Variants in HMCN1 observed in about 807,000 individuals in gnomAD.
HMCN1 encodes hemicentin-1.
HMCN1 carries 321 observed loss-of-function variants against 625.9 expected under a neutral mutation model. That is an observed-to-expected ratio of 0.51 (90% CI 0.47 to 0.56). The LOEUF is 0.56. Among genes scored for constraint, HMCN1 ranks in the 20% least tolerant of loss-of-function variants. The pLI, the probability that HMCN1 is intolerant of heterozygous loss-of-function variation, is 0.00. For synonymous variants in HMCN1, 2,425 were observed against 2,417.6 expected (o/e 1.00, Z -0.09); for missense variants, 6,588 against 6,887.3 (o/e 0.96, Z 1.54).
intron 2 of HMCN1, among the ~76,000 whole-genome samples, chr1:185,847,002 G>T (rs1558012193): frequency 6.6e-6 from 1 of 152,076 alleles, no homozygotes; most frequent in Non-Finnish European, 1.5e-5. Flanking sequence ...TGTGCACTGA[G>T]CGGGTTGGTG....
At chr1:185,832,273 G>C (rs1389237215) in intron 1 of HMCN1, among the ~76,000 whole-genome samples, 1 of 152,052 alleles carries the variant, frequency 6.6e-6, no homozygotes, top group Non-Finnish European at 1.5e-5. Context: ...TCCAGCCTGG[G>C]AGACAGTGAA....
chr1:186,030,202 G>T (rs73062492), intron 36 of HMCN1, among the ~76,000 whole-genome samples: 2,509 of 152,192 alleles, frequency 0.016, 76 homozygotes, highest in African/African-American at 0.057. Context: ...GTCTATGTGT[G>T]CCACTTGCGT....
At chr1:185,755,728 G>C (rs556255418) in intron 1 of HMCN1, among the ~76,000 whole-genome samples, 10 of 152,312 alleles carry the variant, frequency 6.6e-5, no homozygotes, top group South Asian at 2.1e-4. Context: ...TACCTGATGA[G>C]AGTGAGAAGG....
chr1:185,955,541 A>G (rs1005377016), intron 11 of HMCN1, among the ~76,000 whole-genome samples: 13 of 152,244 alleles, frequency 8.5e-5, no homozygotes, highest in Admixed American at 7.8e-4. Flanking sequence ...CTAATTCTGA[A>G]TTATAGGTAG....
chr1:186,178,796 C>T, intron 104 of HMCN1, 30 bp downstream of exon 104: 1 of 1,412,620 alleles, frequency 7.1e-7, no homozygotes, highest in South Asian at 1.2e-5. Context: ...CATTTCCTTT[C>T]TGTGGGCTCT....
chr1:185,887,912 A>T (rs1388881221), intron 4 of HMCN1, among the ~76,000 whole-genome samples: 2 of 143,684 alleles, frequency 1.4e-5, no homozygotes, highest in African/African-American at 5.3e-5. Flanking sequence ...GAACTAGTTT[A>T]CAGTCCCAGC....
Position 186,128,717 on chromosome 1 carries a change from AGTG to A in HMCN1, c.12904+427_12904+429del, listed in dbSNP as rs531667346. 1.9e-3 allele frequency among the ~76,000 whole-genome samples: 286 copies of A among 152,126 alleles called. 1 individual carries two copies. The highest frequency in any genetic ancestry group is 0.017 in the Middle Eastern group (5 of 292). On this transcript the variant is annotated intron_variant, in intron 83 of 106. Transcript: ENST00000271588. Reference sequence around the variant, plus strand: ...CACTGTTTGCCTCAACCTCTATTATAGTGTAGATTAATTTATGTAGAAAATTTC... The same window carrying A: ...CACTGTTTGCCTCAACCTCTATTATATAGATTAATTTATGTAGAAAATTTC...
Position 186,076,530 on chromosome 1 carries a change from A to C in HMCN1, c.8393A>C (p.Tyr2798Ser), listed in dbSNP as rs1658823747. 2.5e-6 allele frequency: 4 copies of C among 1,613,752 alleles called. No homozygotes were observed. In the East Asian group the frequency reaches 8.9e-5, roughly 36 times the overall value. Reference protein sequence around the residue: ...DVIINNPISLYCETNAAPPPT... With the variant: ...DVIINNPISLSCETNAAPPPT... ...ATCATCAACAATCCCATTTCTCTTT[A>C]CTGTGAGACAAATGCTGCTCCCCCT... is the stretch of plus-strand genomic sequence containing the variant. Residue 2798 changes from tyrosine (Y) to serine (S), a missense_variant, in exon 54 of 107, where the codon TAC (tyrosine) becomes TCC (serine). Transcript: ENST00000271588.
intron 1 of HMCN1, among the ~76,000 whole-genome samples, chr1:185,842,239 G>A (rs560417054): frequency 6.6e-6 from 1 of 152,164 alleles, no homozygotes; most frequent in Non-Finnish European, 1.5e-5. Context: ...CAAATAGTAG[G>A]TGTTCAACGT....
In HMCN1 at chr1:186,001,752, C is replaced by T. The variant is rs755881880; in HGVS notation, c.4348+11C>T. 3.2e-5 allele frequency: 51 copies of T among 1,606,880 alleles called. No individual in the cohort carries two copies. The highest frequency in any genetic ancestry group is 5.1e-6 in the Non-Finnish European group (6 of 1,174,154). On this transcript the variant is annotated intron_variant, in intron 28 of 106. Coordinates refer to ENST00000271588, the MANE Select transcript of HMCN1 (RefSeq NM_031935.3). ...ACATTGATGTGCTAGGTAAGAAATACATCCTTTTAAAAAACTACAATTCAG... is the reference window on the plus strand; with the variant it reads ...ACATTGATGTGCTAGGTAAGAAATATATCCTTTTAAAAAACTACAATTCAG...
intron 2 of HMCN1, among the ~76,000 whole-genome samples, chr1:185,857,461 T>C (rs1280075727): frequency 7.0e-6 from 1 of 143,032 alleles, no homozygotes; most frequent in Admixed American, 6.8e-5. Context: ...ATTATACCTT[T>C]CATTTGTGTG....
At chr1:186,093,410 T>C in intron 65 of HMCN1, 76 bp from the exon 66 acceptor site, 2 of 1,585,290 alleles carry the variant, frequency 1.3e-6, no homozygotes, top group Admixed American at 1.7e-5. Context: ...ATGAGAGCAA[T>C]TGTAGTAGAA....
At chr1:186,162,991 C>T (rs1427639944) in intron 97 of HMCN1, among the ~76,000 whole-genome samples, 1 of 152,242 alleles carries the variant, frequency 6.6e-6, no homozygotes, top group Non-Finnish European at 1.5e-5. Flanking sequence ...TTTTGTTTGT[C>T]TGTGCCCTGC....
At position 186,041,127 on chromosome 1, in the gene HMCN1, C is replaced by T. The variant is rs483352758; in HGVS notation, c.6295C>T (p.Arg2099Ter). The T allele has an allele frequency of 5.6e-6, 9 of 1,612,138 alleles. No homozygotes were observed. The highest frequency in any genetic ancestry group is 1.1e-5 in the South Asian group (1 of 91,048). Residue 2099 changes from arginine to a stop codon, truncating the protein, a stop_gained, in exon 40 of 107, where the codon CGA (arginine) becomes TGA (stop). Coordinates refer to ENST00000271588, the MANE Select transcript of HMCN1 (RefSeq NM_031935.3). LOFTEE classifies it high-confidence loss of function. ...AGEKQRDIDLRVYVPPNIMGE... is the reference protein window; with the variant it reads ...AGEKQRDIDL The stretch of plus-strand genomic sequence containing the variant: ...AGAAAAGCAAAGGGACATTGACCTC[C>T]GAGTATATGGTGAGACATTTTAGTA...
In HMCN1 at chr1:186,039,906, A is replaced by T. The variant is rs201288967; in HGVS notation, c.6180+27A>T. ...TACCTTCATTCATTTCTTTGGTGAC[A>T]TTTACCACCTGATTATTCAGTACAG... On this transcript the variant is annotated intron_variant, in intron 39 of 106. Coordinates refer to ENST00000271588, the MANE Select transcript of HMCN1 (RefSeq NM_031935.3). 4 of 1,602,982 alleles carry T rather than the reference A, an allele frequency of 2.5e-6. No homozygotes were observed. The African/African-American group carries it at 5.4e-5, about 21-fold the overall frequency.
intron 75 of HMCN1, among the ~76,000 whole-genome samples, chr1:186,116,057 C>T (rs1434488327): frequency 6.6e-6 from 1 of 152,014 alleles, no homozygotes; most frequent in Admixed American, 6.6e-5. Flanking sequence ...CTCTTATGTC[C>T]ACTTTAACAA....
At chr1:186,014,033 C>T (rs1654174731) in intron 30 of HMCN1, among the ~76,000 whole-genome samples, 1 of 152,112 alleles carries the variant, frequency 6.6e-6, no homozygotes, top group South Asian at 2.1e-4. Flanking sequence ...AGTAACTTTA[C>T]AGTGGAGAAA....
chr1:185,807,166 C>A (rs148592556), intron 1 of HMCN1, among the ~76,000 whole-genome samples: 3 of 152,232 alleles, frequency 2.0e-5, no homozygotes, highest in African/African-American at 7.2e-5. Context: ...CATTCAAAAT[C>A]CTGAATATGA....
chr1:185,950,209 GGA>G (rs1236473126), intron 11 of HMCN1, among the ~76,000 whole-genome samples: 1 of 151,274 alleles, frequency 6.6e-6, no homozygotes, highest in African/African-American at 2.5e-5. Flanking sequence ...GGTAATTGTG[GGA>G]GACTCAACAA....
Sources: allele counts gnomAD v4.1 joint callset (sites outside exome capture counted in the v4.1 genomes callset), GRCh38; gene constraint gnomAD v4.1.1; transcripts MANE v1.5; gene names NCBI Gene and HGNC (gene_info 2026-07-23, HGNC 2026-07-21).